RRP15: variants seen among roughly 807,000 people sequenced by gnomAD.
RRP15 encodes ribosomal RNA processing 15 homolog.
A neutral mutation model predicts 27.1 loss-of-function variants in RRP15; 18 were observed. The observed-to-expected ratio is 0.66, with a 90% confidence interval of 0.46 to 0.98. The LOEUF is 0.98. Ranked by LOEUF, RRP15 falls within the 50% of genes least tolerant of loss-of-function variation. The probability of loss-of-function intolerance (pLI) is 0.00; values close to 1 mark genes in which losing one functional copy is unlikely to be tolerated. For synonymous variants in RRP15, 107 were observed against 109.4 expected (o/e 0.98, Z 0.14); for missense variants, 359 against 337.8 (o/e 1.06, Z -0.49).
chr1:218,320,499 C>T (rs1441822171), intron 4 of RRP15, among the ~76,000 whole-genome samples: 3 of 152,194 alleles, frequency 2.0e-5, no homozygotes, highest in South Asian at 2.1e-4. Context: ...TTAACTTTAA[C>T]TTACTTAGAG....
At chr1:218,288,184 TG>T (rs1261134021) in intron 1 of RRP15, among the ~76,000 whole-genome samples, 2 of 152,204 alleles carry the variant, frequency 1.3e-5, no homozygotes, top group African/African-American at 4.8e-5. Context: ...GTACGGTGAC[TG>T]CCAAAGAGTG....
At chr1:218,309,709 CAT>C (rs1655962267) in intron 4 of RRP15, among the ~76,000 whole-genome samples, 1 of 112,292 alleles carries the variant, frequency 8.9e-6, no homozygotes, top group Non-Finnish European at 1.8e-5. Context: ...AAAAAAAAAA[CAT>C]ATTTATTAAG....
chr1:218,295,428 T>C (rs1030937750), intron 1 of RRP15, among the ~76,000 whole-genome samples: 1 of 152,204 alleles, frequency 6.6e-6, no homozygotes, highest in Non-Finnish European at 1.5e-5. Flanking sequence ...CATATGACTA[T>C]AAAACAATAA....
At chr1:218,316,041 T>A (rs1167288141) in intron 4 of RRP15, among the ~76,000 whole-genome samples, 4 of 152,228 alleles carry the variant, frequency 2.6e-5, no homozygotes, top group Non-Finnish European at 5.9e-5. Flanking sequence ...TAAGCCAGTT[T>A]CCCATTGTAT....
At chr1:218,327,060 T>C (rs1371750487) in intron 4 of RRP15, among the ~76,000 whole-genome samples, 2 of 152,236 alleles carry the variant, frequency 1.3e-5, no homozygotes, top group African/African-American at 4.8e-5. Context: ...TGGTGTCTTC[T>C]GGTCCATCTC....
chr1:218,294,710 G>T (rs916508148), intron 1 of RRP15, among the ~76,000 whole-genome samples: 3 of 151,986 alleles, frequency 2.0e-5, no homozygotes, highest in African/African-American at 7.3e-5. Context: ...AAATCATCGA[G>T]GTGACTCATT....
In RRP15 at chr1:218,307,427, A is replaced by G; in HGVS notation, c.504-4A>G. 6.2e-7 allele frequency: 1 copy of G among 1,610,926 alleles called. No homozygotes were observed. The highest frequency in any genetic ancestry group is 1.7e-5 in the Admixed American group (1 of 59,950). ...CATCATTCTGGTCATTTTATATTCT[A>G]CAGGGGTGTGGTGCAATTATTTAAT... On this transcript the variant is annotated splice_region_variant and splice_polypyrimidine_tract_variant and intron_variant, in intron 3 of 4. Coordinates refer to ENST00000366932, the MANE Select transcript of RRP15 (RefSeq NM_016052.4).
In RRP15 at chr1:218,331,173, G is replaced by A. The variant is rs1656362319; in HGVS notation, c.*82G>A. On this transcript the variant is annotated 3_prime_UTR_variant, in exon 5 of 5. Transcript: ENST00000366932. ...CCTCTGATAGTTGGGGAATTATAAG[G>A]ATACCATTTGTAAGAAAGCCAAAAG... The A allele has an allele frequency of 2.3e-6, 3 of 1,328,252 alleles. No homozygotes were observed. The highest frequency in any genetic ancestry group is 3.0e-6 in the Non-Finnish European group (3 of 985,268). 82.3% of individuals were successfully genotyped at this position (1,328,252 alleles called of 1,614,324 possible). A position where few individuals can be genotyped will look rare whatever the true frequency, so the allele number is the denominator to read the frequency against.
At chr1:218,311,368 A>G (rs550740804) in intron 4 of RRP15, among the ~76,000 whole-genome samples, 1 of 152,216 alleles carries the variant, frequency 6.6e-6, no homozygotes, top group Non-Finnish European at 1.5e-5. Flanking sequence ...ACTAGTATTC[A>G]ATGTGAATAT....
rs1294799392 is a variant in RRP15, at chr1:218,305,079, G to T, written c.457G>T (p.Val153Phe). Residue 153 changes from valine to phenylalanine, a missense_variant, in exon 3 of 5, where the codon GTC (valine) becomes TTC (phenylalanine). Transcript: ENST00000366932. Reference sequence around the variant, plus strand: ...GATGTGCAGAGTAAAGCCAGATGTTGTCCAAGACAAAGAGACAGAGAGAAA... The same window carrying T: ...GATGTGCAGAGTAAAGCCAGATGTTTTCCAAGACAAAGAGACAGAGAGAAA... Reference protein sequence around the residue: ...EMMCRVKPDVVQDKETERNLQ... With the variant: ...EMMCRVKPDVFQDKETERNLQ... The T allele has an allele frequency of 6.2e-7, 1 of 1,613,908 alleles. No homozygotes were observed. Among genetic ancestry groups the T allele is most frequent in the Non-Finnish European group, 8.5e-7 (1 of 1,179,856 alleles).
chr1:218,291,679 G>A (rs917783484), intron 1 of RRP15, among the ~76,000 whole-genome samples: 4 of 151,510 alleles, frequency 2.6e-5, no homozygotes, highest in South Asian at 2.1e-4. Flanking sequence ...CTACAGGCAC[G>A]TGCCACCACG....
At chr1:218,321,837 T>G (rs1423014677) in intron 4 of RRP15, among the ~76,000 whole-genome samples, 3 of 152,056 alleles carry the variant, frequency 2.0e-5, no homozygotes, top group Non-Finnish European at 4.4e-5. Flanking sequence ...GCTTTTTTTT[T>G]TCTTTTTTCT....
intron 4 of RRP15, among the ~76,000 whole-genome samples, chr1:218,308,062 C>CTTTTTTTTTTTTT (rs56813511): frequency 6.0e-5 from 4 of 66,928 alleles, no homozygotes; most frequent in Non-Finnish European, 1.1e-4. Flanking sequence ...TTCTTTCTTT[C>CTTTTTTTTTTTTT]TTTTTTTTTT....
At chr1:218,295,109 A>G (rs1399193510) in intron 1 of RRP15, among the ~76,000 whole-genome samples, 1 of 152,218 alleles carries the variant, frequency 6.6e-6, no homozygotes, top group African/African-American at 2.4e-5. Context: ...TCTTAAAACA[A>G]TAAAAACCCC....
In RRP15 at chr1:218,331,057, GC is replaced by G. The variant is rs541335404; in HGVS notation, c.816del (p.Ser272ArgfsTer15). 7,199 of 1,612,776 alleles carry G rather than the reference GC, an allele frequency of 4.5e-3. 40 individuals are homozygous for G. The highest frequency in any genetic ancestry group is 0.015 in the South Asian group (1,375 of 90,918). On this transcript the variant is annotated frameshift_variant, in exon 5 of 5. Coordinates refer to ENST00000366932, the MANE Select transcript of RRP15 (RefSeq NM_016052.4). LOFTEE classifies it high-confidence loss of function. ...WDKESDGPDD[S>X]RPESASDSDT ...AAGGAAAGTGATGGGCCAGATGACA[GC>G]AGACCAGAATCTGCAAGTGACTCTG... is the stretch of plus-strand genomic sequence containing the variant.
chr1:218,330,859 A>G (rs1323951274), intron 4 of RRP15, 89 bp from the exon 5 acceptor site: 11 of 1,114,586 alleles, frequency 9.9e-6, no homozygotes, highest in Non-Finnish European at 1.4e-5. Context: ...AAAACTAAGC[A>G]TTGAAAAGTT....
intron 1 of RRP15, among the ~76,000 whole-genome samples, chr1:218,295,389 TG>T (rs1293798062): frequency 6.6e-6 from 1 of 152,218 alleles, no homozygotes; most frequent in Non-Finnish European, 1.5e-5. Flanking sequence ...GGCTGTGATC[TG>T]ATTGACTCCT....
rs1656413089 is a variant in RRP15, at chr1:218,333,985, A to G, written c.*2894A>G. 1 of 152,194 alleles carries G rather than the reference A, an allele frequency of 6.6e-6. No individual in the cohort carries two copies. Among genetic ancestry groups the G allele is most frequent in the South Asian group, 2.1e-4 (1 of 4,838 alleles). The allele number at this position is 152,194 out of a possible 1,614,324, so 9.4% of individuals were successfully genotyped here. ...TGGAAGTATTATTTCCTTATTTCAT[A>G]TATAGAAATAATTATCTTATTTCCT... On this transcript the variant is annotated 3_prime_UTR_variant, in exon 5 of 5. Transcript: ENST00000366932.
chr1:218,324,010 A>G (rs1316111120), intron 4 of RRP15, among the ~76,000 whole-genome samples: 1 of 152,134 alleles, frequency 6.6e-6, no homozygotes, highest in Non-Finnish European at 1.5e-5. Context: ...TGCTGCAGCT[A>G]TTCCTGCGAG....
Sources: gnomAD v4.1 joint callset for allele counts (sites outside exome capture counted in the v4.1 genomes callset) on GRCh38, gnomAD v4.1.1 for gene constraint, MANE v1.5 for transcripts, NCBI Gene and HGNC (gene_info 2026-07-23, HGNC 2026-07-21) for gene names.